The following PAK1 variants were observed in gnomAD, a reference collection of about 807,000 sequenced individuals.
PAK1 encodes p21 (RAC1) activated kinase 1, also known as serine/threonine-protein kinase PAK 1.
In PAK1, 29 loss-of-function variants were observed where a neutral mutation model predicts 67.4. That is an observed-to-expected ratio of 0.43 (90% CI 0.32 to 0.59). The LOEUF (loss-of-function observed/expected upper bound fraction) is 0.59. Ranked by LOEUF, PAK1 falls within the 20% of genes least tolerant of loss-of-function variation. The pLI is 0.07. For missense variants in PAK1, 337 were observed against 670.7 expected (o/e 0.50, Z 5.50); for synonymous variants, 223 against 237.4 (o/e 0.94, Z 0.56).
chr11:77,516,123 AAAG>A, the PAK1 span, among the ~76,000 whole-genome samples: 1 of 152,248 alleles, frequency 6.6e-6, no homozygotes, highest in Admixed American at 6.5e-5. Context: ...TCAACTACAC[AAAG>A]AATAATCTTT....
At chr11:77,391,880 T>C (rs1436316376) in intron 2 of PAK1, among the ~76,000 whole-genome samples, 2 of 152,218 alleles carry the variant, frequency 1.3e-5, no homozygotes, top group East Asian at 3.8e-4. Context: ...TTACTTGCCA[T>C]TCTTACTGAT....
intron 1 of PAK1, among the ~76,000 whole-genome samples, chr11:77,420,752 C>A (rs987552304): frequency 5.9e-5 from 9 of 152,162 alleles, no homozygotes; most frequent in African/African-American, 2.2e-4. Context: ...GAGGGCAGGA[C>A]AGATTTGCTC....
chr11:77,468,031 T>C (rs568940978), intron 1 of PAK1, among the ~76,000 whole-genome samples: 1 of 152,288 alleles, frequency 6.6e-6, no homozygotes, highest in Admixed American at 6.5e-5. Flanking sequence ...GCATATACTG[T>C]CATTGTCATT....
chr11:77,483,963 A>G, the PAK1 span, among the ~76,000 whole-genome samples: 6 of 152,222 alleles, frequency 3.9e-5, no homozygotes, highest in Admixed American at 2.6e-4. Context: ...TGAATGGACC[A>G]GGGATGAGCA....
At chr11:77,412,926 C>A (rs1954715563) in intron 1 of PAK1, among the ~76,000 whole-genome samples, 2 of 152,198 alleles carry the variant, frequency 1.3e-5, no homozygotes, top group African/African-American at 2.4e-5. Flanking sequence ...CTGAGCTGAA[C>A]AACACATTAT....
chr11:77,499,946 C>T, the PAK1 span, among the ~76,000 whole-genome samples: 1 of 152,144 alleles, frequency 6.6e-6, no homozygotes, highest in South Asian at 2.1e-4. Flanking sequence ...CATCAGCGAA[C>T]ACTTCCATCT....
chr11:77,494,590 TAAA>T, the PAK1 span, among the ~76,000 whole-genome samples: 7 of 130,540 alleles, frequency 5.4e-5, no homozygotes, highest in Admixed American at 1.5e-4. Context: ...TAGCTACTAT[TAAA>T]AAAAAAAAAA....
chr11:77,467,174 T>A (rs904407365), intron 1 of PAK1, among the ~76,000 whole-genome samples: 1 of 152,178 alleles, frequency 6.6e-6, no homozygotes, highest in Non-Finnish European at 1.5e-5. Flanking sequence ...CCTCCCTGAC[T>A]GTGCTTCGTT....
intron 1 of PAK1, among the ~76,000 whole-genome samples, chr11:77,405,430 G>A (rs774869313): frequency 6.6e-6 from 1 of 152,184 alleles, no homozygotes. Context: ...GGGAGTTATT[G>A]CAATAATCCA....
At position 77,392,510 on chromosome 11, in the gene PAK1, T is replaced by C. The variant is rs61729072; in HGVS notation, c.11A>G (p.Asn4Ser). MSNNGLDIQDKPPA... is the reference protein window; with the variant it reads MSNSGLDIQDKPPA... The stretch of plus-strand genomic sequence containing the variant: ...GGGTTTGTCTTGAATGTCTAGGCCG[T>C]TATTTGACATTGTCACCACCAGCAG... The change falls in exon 2 of 15, where the codon AAC becomes AGC. Residue 4 changes from asparagine (N) to serine (S), a missense_variant. By Grantham distance (46) the Asn-to-Ser change is conservative. Coordinates refer to ENST00000356341, the MANE Select transcript of PAK1 (RefSeq NM_002576.5). The C allele has an allele frequency of 8.5e-5, 136 of 1,597,362 alleles. No individual in the cohort carries two copies. In the African/African-American group the frequency reaches 1.7e-3, roughly 20 times the overall value.
At chr11:77,435,763 C>T (rs1053277829) in intron 1 of PAK1, among the ~76,000 whole-genome samples, 1 of 151,324 alleles carries the variant, frequency 6.6e-6, no homozygotes, top group African/African-American at 2.4e-5. Flanking sequence ...CTGCCTCGGC[C>T]TCCCAAAGTG....
intron 1 of PAK1, among the ~76,000 whole-genome samples, chr11:77,411,151 G>A (rs1189288475): frequency 6.6e-6 from 1 of 151,948 alleles, no homozygotes; most frequent in African/African-American, 2.4e-5. Context: ...CTGGAAGACA[G>A]GATACCAAGG....
intron 1 of PAK1, among the ~76,000 whole-genome samples, chr11:77,413,569 G>C (rs540506513): frequency 6.6e-6 from 1 of 152,280 alleles, no homozygotes; most frequent in African/African-American, 2.4e-5. Context: ...TGTAATCCCA[G>C]CTACTCGGGA....
chr11:77,489,562 C>T, the PAK1 span, among the ~76,000 whole-genome samples: 4 of 152,208 alleles, frequency 2.6e-5, no homozygotes, highest in African/African-American at 4.8e-5. Context: ...GATTCTCCTG[C>T]CTCGGCCTGC....
chr11:77,490,789 A>G, the PAK1 span, among the ~76,000 whole-genome samples: 4 of 152,192 alleles, frequency 2.6e-5, no homozygotes, highest in African/African-American at 7.2e-5. Flanking sequence ...TACTAAGAAA[A>G]ATTCTTCGGC....
rs1192896834 is a variant in PAK1, at chr11:77,395,589, TACACACACACAG to T, written c.-21-3060_-21-3049del. 5.3e-5 allele frequency among the ~76,000 whole-genome samples: 8 copies of T among 151,360 alleles called. No homozygotes were observed. The East Asian group carries it at 1.2e-3, about 22-fold the overall frequency. On this transcript the variant is annotated intron_variant, in intron 1 of 14. Transcript: ENST00000356341. ...CTGTACTTGTATTCTTATTTACTTA[TACACACACACAG>T]ACACACACACAAACACACACCCCAA...
At chr11:77,424,780 G>A (rs1223657831) in intron 1 of PAK1, among the ~76,000 whole-genome samples, 1 of 152,152 alleles carries the variant, frequency 6.6e-6, no homozygotes, top group Non-Finnish European at 1.5e-5. Flanking sequence ...CCAACGGCTT[G>A]AGTAGGTCCT....
chr11:77,393,175 C>G (rs1479948163), intron 1 of PAK1, among the ~76,000 whole-genome samples: 2 of 151,538 alleles, frequency 1.3e-5, no homozygotes, highest in Admixed American at 1.3e-4. Context: ...CACAAACTTA[C>G]ATTATTTACT....
chr11:77,326,273 C>A (rs1300364955), intron 14 of PAK1, among the ~76,000 whole-genome samples: 1 of 152,208 alleles, frequency 6.6e-6, no homozygotes, highest in Admixed American at 6.5e-5. Context: ...ACCCCTGACT[C>A]CGGGTTTCCC....
Sources: gnomAD v4.1 joint callset for allele counts (sites outside exome capture counted in the v4.1 genomes callset) on GRCh38, gnomAD v4.1.1 for gene constraint, MANE v1.5 for transcripts, NCBI Gene and HGNC (gene_info 2026-07-23, HGNC 2026-07-21) for gene names.